Variants in SCUBE1 observed in about 807,000 individuals in gnomAD.
The protein encoded by SCUBE1 is signal peptide, CUB and EGF-like domain-containing protein 1.
Under a neutral mutation model 124.4 loss-of-function variants are expected in SCUBE1, and 59 were observed. That is an observed-to-expected ratio of 0.47 (90% CI 0.38 to 0.59). The LOEUF (loss-of-function observed/expected upper bound fraction) is 0.59. Ranked by LOEUF, SCUBE1 falls within the 20% of genes least tolerant of loss-of-function variation. The pLI, the probability that SCUBE1 is intolerant of heterozygous loss-of-function variation, is 0.00. For missense variants in SCUBE1, 1,150 were observed against 1,371.2 expected, an observed-to-expected ratio of 0.84 and a Z score of 2.55; for synonymous variants, 545 against 550.9, an observed-to-expected ratio of 0.99 and a Z score of 0.15.
At chr22:43,220,188 G>A (rs1045390087) in intron 14 of SCUBE1, among the ~76,000 whole-genome samples, 1 of 152,212 alleles carries the variant, frequency 6.6e-6, no homozygotes, top group Non-Finnish European at 1.5e-5. Flanking sequence ...GCAGATAAGG[G>A]TCATGTGACT....
chr22:43,290,560 C>A (rs1435373399), intron 4 of SCUBE1, among the ~76,000 whole-genome samples: 3 of 152,276 alleles, frequency 2.0e-5, no homozygotes, highest in Non-Finnish European at 2.9e-5. Context: ...GCCTGCCACA[C>A]TGCCTGGCTT....
intron 4 of SCUBE1, among the ~76,000 whole-genome samples, chr22:43,268,812 G>T (rs1373097271): frequency 1.3e-5 from 2 of 152,192 alleles, no homozygotes; most frequent in Non-Finnish European, 2.9e-5. Context: ...TTGTCAATAG[G>T]GGAGCGACAC....
intron 4 of SCUBE1, among the ~76,000 whole-genome samples, chr22:43,289,816 G>A (rs1252352504): frequency 6.6e-6 from 1 of 152,210 alleles, no homozygotes; most frequent in Non-Finnish European, 1.5e-5. Flanking sequence ...AGGAGGAGCT[G>A]GATTCACACA....
At chr22:43,227,231 A>G (rs1922353513) in intron 10 of SCUBE1, 143 bp downstream of exon 10, 1 of 978,140 alleles carries the variant, frequency 1.0e-6, no homozygotes, top group South Asian at 1.7e-5. Context: ...ATACCCCAAC[A>G]GCAGAGAACC....
In SCUBE1 at chr22:43,315,766, A is replaced by T. The variant is rs114948098; in HGVS notation, c.349+4171T>A. Among the ~76,000 whole-genome samples the T allele has an allele frequency of 5.1e-3, 777 of 150,926 alleles. 4 individuals carry two copies. Among genetic ancestry groups the T allele is most frequent in the African/African-American group, 0.017 (696 of 40,944 alleles). On this transcript the variant is annotated intron_variant, in intron 3 of 21. Transcript: ENST00000360835. ...AGGTGGTGGGGCGGGGGAGGGGGGG[A>T]ACCTTACCCAGTTCTTTTAAATTAA...
At chr22:43,236,070 T>G (rs1413692453) in intron 7 of SCUBE1, among the ~76,000 whole-genome samples, 1 of 152,230 alleles carries the variant, frequency 6.6e-6, no homozygotes, top group Non-Finnish European at 1.5e-5. Flanking sequence ...TTGCTTGACA[T>G]TGACATTTTG....
chr22:43,208,928 C>T (rs1028151748), intron 19 of SCUBE1, among the ~76,000 whole-genome samples: 4 of 152,002 alleles, frequency 2.6e-5, no homozygotes, highest in South Asian at 2.1e-4. Context: ...GGGGCCTTCC[C>T]GAGGAGCCCT....
At chr22:43,314,715 T>C (rs576121679) in intron 3 of SCUBE1, among the ~76,000 whole-genome samples, 53 of 152,096 alleles carry the variant, frequency 3.5e-4, no homozygotes, top group Non-Finnish European at 6.8e-4. Flanking sequence ...GTGCTGAGGC[T>C]CGTCATGGTG....
At position 43,339,248 on chromosome 22, in the gene SCUBE1, G is replaced by T. The variant is rs371632319; in HGVS notation, c.89-13C>A. The T allele has an allele frequency of 1.6e-5, 26 of 1,612,110 alleles. No individual in the cohort carries two copies. The African/African-American group carries it at 3.1e-4, about 19-fold the overall frequency. ...ACGTCGACTGACCCTGTGGGTAGGG[G>T]TGTGGGGGGAATAAGAGGTAAGGTG... On this transcript the variant is annotated splice_polypyrimidine_tract_variant and intron_variant, in intron 1 of 21. Coordinates refer to ENST00000360835, the MANE Select transcript of SCUBE1 (RefSeq NM_173050.5).
At chr22:43,247,699 G>A (rs1210173014) in intron 6 of SCUBE1, among the ~76,000 whole-genome samples, 1 of 152,246 alleles carries the variant, frequency 6.6e-6, no homozygotes, top group African/African-American at 2.4e-5. Flanking sequence ...TGGATGGGGA[G>A]GGCTGCAGGA....
At position 43,212,556 on chromosome 22, in the gene SCUBE1, A is replaced by T. The variant is rs971682500; in HGVS notation, c.2090T>A (p.Phe697Tyr). The change falls in exon 17 of 22, where the codon TTC (phenylalanine) becomes TAC (tyrosine). Residue 697 changes from phenylalanine to tyrosine, a missense_variant. Phe to Tyr is a conservative substitution (Grantham distance 22). Transcript: ENST00000360835. ...CSPGFFSADG[F>Y]KPCQACPVGT... Reference sequence around the variant, plus strand: ...CACGGGGCAGGCCTGGCAGGGCTTGAAGCCATCGGCCGAGAAGAAGCCTGG... The same window carrying T: ...CACGGGGCAGGCCTGGCAGGGCTTGTAGCCATCGGCCGAGAAGAAGCCTGG... 2 of 1,565,900 alleles carry T rather than the reference A, an allele frequency of 1.3e-6. No individual in the cohort carries two copies. The highest frequency in any genetic ancestry group is 1.7e-6 in the Non-Finnish European group (2 of 1,156,448).
chr22:43,301,297 GCCATC>G (rs1925762493), intron 3 of SCUBE1, among the ~76,000 whole-genome samples: 1 of 151,854 alleles, frequency 6.6e-6, no homozygotes, highest in Non-Finnish European at 1.5e-5. Flanking sequence ...TGGACCTCAT[GCCATC>G]CCCCTGCCTG....
At chr22:43,251,025 A>C (rs117155971) in intron 6 of SCUBE1, among the ~76,000 whole-genome samples, 6,043 of 152,250 alleles carry the variant, frequency 0.04, 136 homozygotes, top group Admixed American at 0.065. Flanking sequence ...TCATCTGTGA[A>C]GTGGGGATAG....
chr22:43,305,486 C>T (rs991505151), intron 3 of SCUBE1, among the ~76,000 whole-genome samples: 2 of 152,022 alleles, frequency 1.3e-5, no homozygotes, highest in African/African-American at 2.4e-5. Flanking sequence ...CTGGGGTGTC[C>T]GGGACAGGCC....
chr22:43,288,155 C>A (rs190526762), intron 4 of SCUBE1, among the ~76,000 whole-genome samples: 1 of 152,188 alleles, frequency 6.6e-6, no homozygotes, highest in East Asian at 1.9e-4. Flanking sequence ...TTAACCGACA[C>A]GCTGGTTAAT....
At chr22:43,252,013 T>C (rs769523505) in intron 6 of SCUBE1, among the ~76,000 whole-genome samples, 1 of 152,204 alleles carries the variant, frequency 6.6e-6, no homozygotes, top group Non-Finnish European at 1.5e-5. Flanking sequence ...TCCCAGATAA[T>C]TGAAATTTAT....
intron 2 of SCUBE1, among the ~76,000 whole-genome samples, chr22:43,330,130 C>G (rs1926858980): frequency 6.6e-6 from 1 of 152,052 alleles, no homozygotes; most frequent in South Asian, 2.1e-4. Context: ...AGCGAGGCCC[C>G]TTCCCTCCTC....
intron 15 of SCUBE1, 37 bp from the exon 16 acceptor site, chr22:43,214,288 G>C: frequency 1.3e-6 from 2 of 1,594,188 alleles, no homozygotes; most frequent in Non-Finnish European, 1.7e-6. Context: ...TGGAGGCAGA[G>C]GTGGGGAGGC....
chr22:43,203,957 C>A lies in SCUBE1; in HGVS notation c.*40G>T, dbSNP rs557916735. 6.2e-7 allele frequency: 1 copy of A among 1,608,612 alleles called. No individual in the cohort carries two copies. Among genetic ancestry groups the A allele is most frequent in the Admixed American group, 1.7e-5 (1 of 59,858 alleles). On this transcript the variant is annotated 3_prime_UTR_variant, in exon 22 of 22. Transcript: ENST00000360835. The stretch of plus-strand genomic sequence containing the variant: ...CACTGTGGAGGGCAGGTGCACCCTC[C>A]GCGGACCAGGCCACCCCCAGGCAGG...
Sources: allele counts gnomAD v4.1 joint callset (sites outside exome capture counted in the v4.1 genomes callset), GRCh38; gene constraint gnomAD v4.1.1; transcripts MANE v1.5; gene names NCBI Gene and HGNC (gene_info 2026-07-23, HGNC 2026-07-21).